DNAJB4: variants seen among roughly 807,000 people sequenced by gnomAD.
The protein encoded by DNAJB4 is DnaJ heat shock protein family (Hsp40) member B4.
DNAJB4 carries 10 observed loss-of-function variants against 26.6 expected under a neutral mutation model. That is an observed-to-expected ratio of 0.38 (90% CI 0.23 to 0.64). The LOEUF is 0.64. Among genes scored for constraint, DNAJB4 ranks in the 30% least tolerant of loss-of-function variants. DNAJB4 has a pLI of 0.58. For missense variants in DNAJB4, 328 were observed against 408.2 expected (o/e 0.80, Z 1.69); for synonymous variants, 136 against 134.8 (o/e 1.01, Z -0.06).
At chr1:77,986,961 G>A (rs1659805968) in intron 1 of DNAJB4, among the ~76,000 whole-genome samples, 1 of 152,038 alleles carries the variant, frequency 6.6e-6, no homozygotes, top group East Asian at 1.9e-4. Context: ...AGTCATGATT[G>A]TTAAATGGAA....
intron 1 of DNAJB4, among the ~76,000 whole-genome samples, chr1:77,993,518 G>T (rs975860175): frequency 2.0e-5 from 3 of 152,014 alleles, no homozygotes; most frequent in African/African-American, 7.3e-5. Flanking sequence ...GTTTCACCAC[G>T]TTGGCCAGGC....
intron 1 of DNAJB4, among the ~76,000 whole-genome samples, chr1:77,983,607 G>A (rs1028971430): frequency 1.3e-5 from 2 of 152,182 alleles, no homozygotes; most frequent in African/African-American, 4.8e-5. Context: ...GGAGAGTGCT[G>A]CCTTCAAGCA....
At chr1:77,996,697 C>G (rs576100480) in intron 1 of DNAJB4, among the ~76,000 whole-genome samples, 2 of 152,164 alleles carry the variant, frequency 1.3e-5, no homozygotes, top group African/African-American at 4.8e-5. Flanking sequence ...CATTTGAAAA[C>G]TTGGGGAATT....
chr1:77,980,546 CTT>C (rs1003862170), intron 1 of DNAJB4, among the ~76,000 whole-genome samples: 1 of 151,182 alleles, frequency 6.6e-6, no homozygotes, highest in Non-Finnish European at 1.5e-5. Flanking sequence ...ATCACAGTGA[CTT>C]TTTTTTTCCA....
chr1:77,999,054 C>G (rs1341283647), intron 1 of DNAJB4, among the ~76,000 whole-genome samples: 1 of 152,166 alleles, frequency 6.6e-6, no homozygotes, highest in Non-Finnish European at 1.5e-5. Context: ...AGCATTTGCT[C>G]TATAGCAATC....
chr1:78,012,909 G>A, intron 1 of DNAJB4, 142 bp from the exon 2 acceptor site: 3 of 618,310 alleles, frequency 4.9e-6, no homozygotes, highest in East Asian at 2.9e-5. Flanking sequence ...TAGCTGTTCT[G>A]TATTTAGTAA....
chr1:78,007,639 T>G (rs936813452), intron 1 of DNAJB4, among the ~76,000 whole-genome samples: 1 of 152,238 alleles, frequency 6.6e-6, no homozygotes, highest in African/African-American at 2.4e-5. Context: ...GAATTATTTT[T>G]TAGAATTATT....
At chr1:78,002,631 A>G (rs1381315574), upstream of DNAJB4, among the ~76,000 whole-genome samples, 1 of 152,170 alleles carries the variant, frequency 6.6e-6, no homozygotes, top group Non-Finnish European at 1.5e-5. Context: ...ATTATTTACA[A>G]AGCTTTACAA....
intron 1 of DNAJB4, among the ~76,000 whole-genome samples, chr1:77,999,631 A>G (rs2102600259): frequency 1.3e-5 from 2 of 152,276 alleles, no homozygotes; most frequent in Admixed American, 1.3e-4. Flanking sequence ...TGGTAGCAAA[A>G]TAGTTTATAT....
chr1:77,981,785 A>G (rs1659653990), intron 1 of DNAJB4, among the ~76,000 whole-genome samples: 2 of 152,186 alleles, frequency 1.3e-5, no homozygotes, highest in South Asian at 4.1e-4. Flanking sequence ...CAAATCTAAT[A>G]AAAGAACAAA....
intron 1 of DNAJB4, among the ~76,000 whole-genome samples, chr1:77,993,553 T>C (rs1659987869): frequency 6.6e-6 from 1 of 152,138 alleles, no homozygotes; most frequent in Admixed American, 6.5e-5. Context: ...TGACCTCAAT[T>C]GATCCGCCCT....
intron 1 of DNAJB4, among the ~76,000 whole-genome samples, chr1:78,011,256 T>A (rs1376327736): frequency 6.6e-6 from 1 of 152,134 alleles, no homozygotes. Context: ...AGGTGGACTG[T>A]TCACAAGAGA....
intron 1 of DNAJB4, among the ~76,000 whole-genome samples, chr1:78,007,310 C>G (rs1283304774): frequency 1.3e-5 from 2 of 152,034 alleles, no homozygotes; most frequent in African/African-American, 2.4e-5. Flanking sequence ...GGCCAGGCGC[C>G]GTGGCTCATG....
In DNAJB4 at chr1:78,017,628, A is replaced by G. The variant is rs542056477; in HGVS notation, c.*1381A>G. Reference sequence around the variant, plus strand: ...ATTCCAGAATATTTTCATCACCCCAAAAAGAAATCCTAAATCCATTAGCAG... The same window carrying G: ...ATTCCAGAATATTTTCATCACCCCAGAAAGAAATCCTAAATCCATTAGCAG... On this transcript the variant is annotated 3_prime_UTR_variant, in exon 3 of 3. Transcript: ENST00000370763. The G allele has an allele frequency of 7.2e-5, 11 of 152,190 alleles. No individual in the cohort carries two copies. In the East Asian group the frequency reaches 2.1e-3, roughly 29 times the overall value. 9.4% of individuals were successfully genotyped at this position (152,190 alleles called of 1,614,324 possible).
At chr1:78,007,535 C>T (rs759416402) in intron 1 of DNAJB4, among the ~76,000 whole-genome samples, 23 of 151,998 alleles carry the variant, frequency 1.5e-4, no homozygotes, top group South Asian at 2.1e-4. Context: ...GAGCCGAGAT[C>T]GAGCCACTGC....
chr1:77,979,231 T>C (rs1431175277), upstream of DNAJB4: 1 of 531,236 alleles, frequency 1.9e-6, no homozygotes, highest in African/African-American at 1.9e-5. Flanking sequence ...GTCGCGAGGA[T>C]TAAGTTTAAG....
At chr1:77,990,802 C>T (rs889580388) in intron 1 of DNAJB4, among the ~76,000 whole-genome samples, 5 of 152,222 alleles carry the variant, frequency 3.3e-5, no homozygotes, top group Non-Finnish European at 7.3e-5. Flanking sequence ...CTTAATCCTA[C>T]CTGTTGGTCT....
chr1:77,995,414 G>A (rs564129141), intron 1 of DNAJB4, among the ~76,000 whole-genome samples: 2 of 152,268 alleles, frequency 1.3e-5, no homozygotes, highest in South Asian at 4.1e-4. Flanking sequence ...TTAAAATGAT[G>A]TAGAAACTCT....
Position 78,005,166 on chromosome 1 carries a change from A to G in DNAJB4, c.56A>G (p.Asp19Gly). ...ATTGAGAAAGGAGCTTCAGATGAAG[A>G]TATTAAAAAGGCTTACCGAAAACAA... The part of the protein sequence containing the change: ...LGIEKGASDE[D>G]IKKAYRKQAL... The change falls in exon 1 of 3, where the codon GAT becomes GGT. Residue 19 changes from aspartate (D) to glycine (G), a missense_variant. Transcript: ENST00000370763. The G allele has an allele frequency of 2.5e-6, 4 of 1,614,178 alleles. No homozygotes were observed. The highest frequency in any genetic ancestry group is 3.4e-6 in the Non-Finnish European group (4 of 1,179,998).
Sources: allele counts gnomAD v4.1 joint callset (sites outside exome capture counted in the v4.1 genomes callset), GRCh38; gene constraint gnomAD v4.1.1; transcripts MANE v1.5; gene names NCBI Gene and HGNC (gene_info 2026-07-23, HGNC 2026-07-21).